Variants in RERE observed in about 807,000 individuals in gnomAD.
The protein encoded by RERE is arginine-glutamic acid dipeptide repeats protein.
In RERE, 40 loss-of-function variants were observed where a neutral mutation model predicts 146.1. That is an observed-to-expected ratio of 0.27 (90% CI 0.21 to 0.36). The LOEUF is 0.36. Among genes scored for constraint, RERE ranks in the 10% least tolerant of loss-of-function variants. The pLI, the probability that RERE is intolerant of heterozygous loss-of-function variation, is 1.00. For missense variants in RERE, 1,933 were observed against 2,138.7 expected (o/e 0.90, Z 1.90); for synonymous variants, 1,003 against 866.0 (o/e 1.16, Z -2.78).
intron 3 of RERE, among the ~76,000 whole-genome samples, chr1:8,618,344 G>T (rs1646880363): frequency 2.0e-5 from 3 of 152,122 alleles, no homozygotes; most frequent in Admixed American, 2.0e-4. Context: ...TATTTCCTAA[G>T]GTCAGGAAAG....
chr1:8,781,977 A>C (rs1641173215), intron 1 of RERE, among the ~76,000 whole-genome samples: 1 of 152,184 alleles, frequency 6.6e-6, no homozygotes. Flanking sequence ...ATTTTGAGGC[A>C]GCGTGCTACT....
chr1:8,375,159 A>G (rs967236635), intron 12 of RERE, among the ~76,000 whole-genome samples: 1 of 152,248 alleles, frequency 6.6e-6, no homozygotes, highest in Non-Finnish European at 1.5e-5. Context: ...ATCTTGAATA[A>G]GTATTCAGTA....
At chr1:8,782,507 C>T (rs1264087223) in intron 1 of RERE, among the ~76,000 whole-genome samples, 1 of 152,100 alleles carries the variant, frequency 6.6e-6, no homozygotes, top group African/African-American at 2.4e-5. Context: ...GTATCTCCAA[C>T]CCAGGTTTCT....
intron 7 of RERE, among the ~76,000 whole-genome samples, chr1:8,533,331 C>T (rs1031738265): frequency 6.6e-6 from 1 of 152,142 alleles, no homozygotes; most frequent in African/African-American, 2.4e-5. Flanking sequence ...GCCTTTTACA[C>T]AGTCTCTTTC....
chr1:8,571,143 TC>T (rs1438225556), intron 4 of RERE, among the ~76,000 whole-genome samples: 146 of 152,358 alleles, frequency 9.6e-4, no homozygotes, highest in African/African-American at 3.3e-3. Context: ...TTTCCGCTAT[TC>T]CAGGCAACTT....
intron 7 of RERE, among the ~76,000 whole-genome samples, chr1:8,509,627 G>C (rs1645306418): frequency 6.6e-6 from 1 of 152,144 alleles, no homozygotes; most frequent in Non-Finnish European, 1.5e-5. Context: ...GGGCAACACA[G>C]AGTGACGCCA....
intron 12 of RERE, among the ~76,000 whole-genome samples, chr1:8,377,719 C>T (rs185540538): frequency 6.6e-6 from 1 of 152,202 alleles, no homozygotes; most frequent in East Asian, 1.9e-4. Flanking sequence ...AAGTGACATC[C>T]GTCAGGGTCA....
Position 8,726,147 on chromosome 1 carries a change from C to CTTTTCTTTTTT in RERE, c.-144-69707_-144-69706insAAAAAAGAAAA, listed in dbSNP as rs1639960710. Among the ~76,000 whole-genome samples the CTTTTCTTTTTT allele has an allele frequency of 2.0e-3, 138 of 69,420 alleles. 4 individuals carry two copies. Among genetic ancestry groups the CTTTTCTTTTTT allele is most frequent in the African/African-American group, 8.5e-3 (130 of 15,356 alleles). The allele number at this position is 69,420 out of a possible 152,430, so 45.5% of individuals were successfully genotyped here. ...AATTCCAGTTTTCCTTTTTTCTTTT[C>CTTTTCTTTTTT]TTTTTTTTTTTTTTTTTTTTTTTTT... On this transcript the variant is annotated intron_variant, in intron 1 of 22. Coordinates refer to ENST00000400908, the MANE Select transcript of RERE (RefSeq NM_001042681.2).
intron 4 of RERE, among the ~76,000 whole-genome samples, chr1:8,601,742 CACACACACA>C (rs1379597345): frequency 5.1e-4 from 11 of 21,770 alleles, no homozygotes; most frequent in African/African-American, 2.5e-3. Flanking sequence ...GGTCAACACA[CACACACACA>C]CACACACACA....
chr1:8,811,812 C>T (rs1641816916), intron 1 of RERE, among the ~76,000 whole-genome samples: 1 of 152,236 alleles, frequency 6.6e-6, no homozygotes, highest in Non-Finnish European at 1.5e-5. Flanking sequence ...TTAGTCCAGG[C>T]CAACCACATT....
At chr1:8,637,503 A>G (rs1230725716) in intron 2 of RERE, among the ~76,000 whole-genome samples, 1 of 152,200 alleles carries the variant, frequency 6.6e-6, no homozygotes. Flanking sequence ...TATTTATAAG[A>G]GTTAAAGCTG....
intron 4 of RERE, among the ~76,000 whole-genome samples, chr1:8,569,371 AT>A (rs1315200521): frequency 6.6e-6 from 1 of 152,140 alleles, no homozygotes; most frequent in East Asian, 1.9e-4. Flanking sequence ...TTTGGAGGGA[AT>A]TAATGACTTC....
chr1:8,386,022 A>ATATTTTT (rs1186333936), intron 12 of RERE, among the ~76,000 whole-genome samples: 1 of 26,636 alleles, frequency 3.8e-5, no homozygotes, highest in Non-Finnish European at 6.0e-5. Context: ...ATATATATAT[A>ATATTTTT]TTTTTTTTTT....
At chr1:8,642,827 A>T (rs1647197683) in intron 2 of RERE, among the ~76,000 whole-genome samples, 1 of 152,156 alleles carries the variant, frequency 6.6e-6, no homozygotes, top group Non-Finnish European at 1.5e-5. Context: ...TCCTCCCATC[A>T]ACTGCTCTGT....
chr1:8,787,588 G>A (rs560488853), intron 1 of RERE, among the ~76,000 whole-genome samples: 1 of 152,066 alleles, frequency 6.6e-6, no homozygotes, highest in South Asian at 2.1e-4. Flanking sequence ...CAGCACTTTG[G>A]GGGAGGCCAA....
At chr1:8,604,598 AAGGGAGGGAGGGAGGGAGGGAGGG>A (rs796662731) in intron 4 of RERE, among the ~76,000 whole-genome samples, 1 of 80,674 alleles carries the variant, frequency 1.2e-5, no homozygotes, top group Non-Finnish European at 2.4e-5. Flanking sequence ...GGAAGGAAGG[AAGGGAGGGAGGGAGGGAGGGAGGG>A]AGGAAGGAAG....
chr1:8,370,362 G>C (rs1641990531), intron 12 of RERE, among the ~76,000 whole-genome samples: 1 of 152,172 alleles, frequency 6.6e-6, no homozygotes, highest in Admixed American at 6.5e-5. Flanking sequence ...AAAGAACTCA[G>C]GTAAGCACTC....
Position 8,493,526 on chromosome 1 carries a change from G to A in RERE, c.1104+1537C>T, listed in dbSNP as rs1054890664. 9.9e-5 allele frequency among the ~76,000 whole-genome samples: 15 copies of A among 152,212 alleles called. 2 individuals carry two copies. In the South Asian group the frequency reaches 2.3e-3, roughly 23 times the overall value. On this transcript the variant is annotated intron_variant, in intron 10 of 22. Coordinates refer to ENST00000400908, the MANE Select transcript of RERE (RefSeq NM_001042681.2). ...TCAGCCATATCACGCAGATATCTAC[G>A]TTTCCTCAAAAGCAAGCTGCACAGT...
chr1:8,796,975 G>C (rs1641487639), intron 1 of RERE, among the ~76,000 whole-genome samples: 1 of 152,042 alleles, frequency 6.6e-6, no homozygotes, highest in Non-Finnish European at 1.5e-5. Flanking sequence ...CCAGTGATAG[G>C]ACCTACTACT....
Sources: gnomAD v4.1 joint callset for allele counts (sites outside exome capture counted in the v4.1 genomes callset) on GRCh38, gnomAD v4.1.1 for gene constraint, MANE v1.5 for transcripts, NCBI Gene and HGNC (gene_info 2026-07-23, HGNC 2026-07-21) for gene names.